The following CDK17 variants were observed in gnomAD, a reference collection of about 807,000 sequenced individuals.
The protein encoded by CDK17 is cyclin-dependent kinase 17.
CDK17 carries 24 observed loss-of-function variants against 77.6 expected under a neutral mutation model. The ratio of observed to expected loss-of-function variants is 0.31; its 90% CI spans 0.22 to 0.44. CDK17 has a LOEUF of 0.44. Ranked by LOEUF, CDK17 falls within the 20% of genes least tolerant of loss-of-function variation. CDK17 has a pLI of 1.00. For synonymous variants in CDK17, 203 were observed against 210.4 expected (o/e 0.96, Z 0.30); for missense variants, 429 against 622.5 (o/e 0.69, Z 3.31).
chr12:96,390,592 C>A (rs1954051330), intron 1 of CDK17, among the ~76,000 whole-genome samples: 1 of 149,426 alleles, frequency 6.7e-6, no homozygotes, highest in African/African-American at 2.4e-5. Flanking sequence ...ACCTGTAGTC[C>A]CAGCTGCTCA....
At chr12:96,376,666 C>T (rs943266373) in intron 1 of CDK17, among the ~76,000 whole-genome samples, 1 of 152,166 alleles carries the variant, frequency 6.6e-6, no homozygotes, top group Non-Finnish European at 1.5e-5. Context: ...TAGGCAGTAT[C>T]CACTGACACT....
intron 1 of CDK17, among the ~76,000 whole-genome samples, chr12:96,394,119 G>C (rs762282143): frequency 4.6e-4 from 70 of 151,602 alleles, no homozygotes; most frequent in Admixed American, 1.2e-3. Context: ...GGTGGTGCAC[G>C]CCTGTAATCC....
At chr12:96,365,089 G>A (rs1426360598) in intron 1 of CDK17, among the ~76,000 whole-genome samples, 1 of 152,016 alleles carries the variant, frequency 6.6e-6, no homozygotes, top group Admixed American at 6.5e-5. Context: ...AAATTAAAGA[G>A]TTTTAAATTG....
intron 3 of CDK17, among the ~76,000 whole-genome samples, chr12:96,322,714 T>C (rs1354437388): frequency 6.6e-6 from 1 of 152,226 alleles, no homozygotes; most frequent in Non-Finnish European, 1.5e-5. Context: ...GCATAGATAA[T>C]AGTTAAAAGT....
chr12:96,297,403 G>GT, intron 8 of CDK17, 71 bp from the exon 9 acceptor site: 1 of 1,042,674 alleles, frequency 9.6e-7, no homozygotes, highest in Non-Finnish European at 1.4e-6. Flanking sequence ...ACTTAATAGT[G>GT]TTTTTCAAAA....
At chr12:96,394,999 C>T (rs1028652232) in intron 1 of CDK17, among the ~76,000 whole-genome samples, 1 of 151,796 alleles carries the variant, frequency 6.6e-6, no homozygotes, top group African/African-American at 2.4e-5. Flanking sequence ...CCTCAGCCTC[C>T]CGAGTAGCTG....
chr12:96,400,173 C>G lies in CDK17; in HGVS notation c.-217G>C, dbSNP rs1480730502. On this transcript the variant is annotated 5_prime_UTR_variant, in exon 1 of 17. Transcript: ENST00000261211. The stretch of plus-strand genomic sequence containing the variant: ...GGCTCTCGCCGCGGGTCCGGAGCCT[C>G]GGGAGGGGCCGCGGGTGTCTCACGC... The G allele has an allele frequency of 2.5e-6, 1 of 394,320 alleles. No homozygotes were observed. The highest frequency in any genetic ancestry group is 4.5e-6 in the Non-Finnish European group (1 of 223,368). 24.4% of individuals were successfully genotyped at this position (394,320 alleles called of 1,614,324 possible). A position where few individuals can be genotyped will look rare whatever the true frequency, so the allele number is the denominator to read the frequency against.
At chr12:96,280,723 TTTTACTGATCAATTTA>T in intron 16 of CDK17, 69 bp downstream of exon 16, 1 of 1,564,150 alleles carries the variant, frequency 6.4e-7, no homozygotes. Flanking sequence ...ACATCAATAA[TTTTACTGATCAATTTA>T]TAAACCAAAA....
intron 1 of CDK17, among the ~76,000 whole-genome samples, chr12:96,384,804 C>T (rs1443605661): frequency 6.6e-6 from 1 of 151,938 alleles, no homozygotes; most frequent in Admixed American, 6.6e-5. Context: ...CTGCTTGAGC[C>T]CAGGAGTTCA....
chr12:96,387,222 C>T (rs1022923002), intron 1 of CDK17: 14 of 243,354 alleles, frequency 5.8e-5, no homozygotes, highest in African/African-American at 3.2e-4. Context: ...TCCTTGGGTC[C>T]AATAGCACAC....
chr12:96,355,351 C>G (rs955880522), intron 1 of CDK17, among the ~76,000 whole-genome samples: 1 of 150,274 alleles, frequency 6.7e-6, no homozygotes, highest in African/African-American at 2.5e-5. Context: ...TTCCCCTTAA[C>G]TGCTTTAATT....
intron 3 of CDK17, among the ~76,000 whole-genome samples, chr12:96,319,343 G>A (rs1952781589): frequency 9.8e-6 from 1 of 102,380 alleles, no homozygotes; most frequent in African/African-American, 3.9e-5. Context: ...GGACCAGATG[G>A]ATTCACAGCC....
At chr12:96,344,592 A>G (rs2137160014) in intron 1 of CDK17, among the ~76,000 whole-genome samples, 1 of 152,316 alleles carries the variant, frequency 6.6e-6, no homozygotes, top group Non-Finnish European at 1.5e-5. Context: ...AGAATTTTAT[A>G]TTCAGCAAAA....
intron 1 of CDK17, among the ~76,000 whole-genome samples, chr12:96,395,584 T>C (rs932915054): frequency 6.6e-6 from 1 of 152,194 alleles, no homozygotes; most frequent in East Asian, 1.9e-4. Flanking sequence ...AGGAGGTAAA[T>C]AATTAACGTT....
At chr12:96,327,223 C>T (rs1225342809) in intron 2 of CDK17, among the ~76,000 whole-genome samples, 1 of 152,020 alleles carries the variant, frequency 6.6e-6, no homozygotes, top group African/African-American at 2.4e-5. Context: ...AGTATGGGTC[C>T]TTTCTATATA....
rs1384203552 is a variant in CDK17 at position 96,327,574 on chromosome 12, G to T, written c.119-3462C>A. Reference sequence around the variant, plus strand: ...TTTTTTTTCTTTTTTTCCAGGCAGGGTCTTGCTCTGTTGCACAGGCTGAAG... The same window carrying T: ...TTTTTTTTCTTTTTTTCCAGGCAGGTTCTTGCTCTGTTGCACAGGCTGAAG... On this transcript the variant is annotated intron_variant, in intron 2 of 16. Coordinates refer to ENST00000261211, the MANE Select transcript of CDK17 (RefSeq NM_002595.5). Among the ~76,000 whole-genome samples, 3 of 151,826 alleles carry T rather than the reference G, an allele frequency of 2.0e-5. No homozygotes were observed. The East Asian group carries it at 5.8e-4, about 29-fold the overall frequency.
intron 1 of CDK17, among the ~76,000 whole-genome samples, chr12:96,359,985 A>G (rs1953467607): frequency 1.3e-5 from 2 of 152,210 alleles, no homozygotes; most frequent in Non-Finnish European, 1.5e-5. Context: ...TAGTAATTAT[A>G]GATTTGTTTA....
intron 5 of CDK17, among the ~76,000 whole-genome samples, chr12:96,304,694 T>C (rs926043335): frequency 3.9e-5 from 6 of 152,236 alleles, no homozygotes; most frequent in Admixed American, 3.9e-4. Context: ...TCTATTCTAC[T>C]CAGTCACTTT....
intron 7 of CDK17, 31 bp from the exon 8 acceptor site, chr12:96,297,752 C>A: frequency 1.7e-6 from 2 of 1,156,644 alleles, no homozygotes; most frequent in South Asian, 2.6e-5. Context: ...ATTGTTTAGT[C>A]TGTGGCAGTC....
Sources: gnomAD v4.1 joint callset for allele counts (sites outside exome capture counted in the v4.1 genomes callset) on GRCh38, gnomAD v4.1.1 for gene constraint, MANE v1.5 for transcripts, NCBI Gene and HGNC (gene_info 2026-07-23, HGNC 2026-07-21) for gene names.